Variants in CTSO observed in about 807,000 individuals in gnomAD.
CTSO encodes the protein cathepsin O.
CTSO carries 40 observed loss-of-function variants against 42.4 expected under a neutral mutation model. That is an observed-to-expected ratio of 0.94 (90% confidence interval 0.73 to 1.23). CTSO has a LOEUF of 1.23. Ranked by LOEUF, CTSO falls within the 50% of genes most tolerant of loss-of-function variation. The probability of loss-of-function intolerance (pLI) is 0.00; values close to 1 mark genes in which losing one functional copy is unlikely to be tolerated. For missense variants in CTSO, 441 were observed against 396.0 expected (o/e 1.11, Z -0.96); for synonymous variants, 156 against 146.2 (o/e 1.07, Z -0.48).
chr4:155,943,200 T>C lies in CTSO; in HGVS notation c.200A>G (p.Tyr67Cys), dbSNP rs1164128992. The change falls in exon 2 of 8, where the codon TAT becomes TGT. Residue 67 changes from tyrosine (Y) to cysteine (C), a missense_variant. Tyr to Cys is a radical substitution (Grantham distance 194). Coordinates refer to ENST00000433477, the MANE Select transcript of CTSO (RefSeq NM_001334.3). ...LFPSENSTAF[Y>C]GINQFSYLFP... ...CAAATAGGAAAACTGATTTATTCCATAGAAGGCGGTGGAGTTTTCACTGGG... is the reference window on the plus strand; with the variant it reads ...CAAATAGGAAAACTGATTTATTCCACAGAAGGCGGTGGAGTTTTCACTGGG... 2.5e-6 allele frequency: 4 copies of C among 1,612,202 alleles called. No individual in the cohort carries two copies. Among genetic ancestry groups the C allele is most frequent in the African/African-American group, 1.3e-5 (1 of 74,896 alleles).
At chr4:155,950,426 A>G (rs1215823441) in intron 1 of CTSO, among the ~76,000 whole-genome samples, 3 of 152,258 alleles carry the variant, frequency 2.0e-5, no homozygotes, top group Admixed American at 6.5e-5. Context: ...GTATGGGAAG[A>G]TGAATAAATT....
chr4:155,940,913 G>C (rs1442093796), intron 3 of CTSO, among the ~76,000 whole-genome samples: 1 of 130,712 alleles, frequency 7.7e-6, no homozygotes, highest in Non-Finnish European at 1.7e-5. Flanking sequence ...CAAGCCACAA[G>C]GGCAGTTCCT....
chr4:155,936,868 A>T (rs2077215725), intron 5 of CTSO, among the ~76,000 whole-genome samples: 1 of 152,098 alleles, frequency 6.6e-6, no homozygotes, highest in African/African-American at 2.4e-5. Context: ...CAAATGGCTG[A>T]TGTCTTGAAA....
chr4:155,929,924 A>C (rs1442960536), intron 5 of CTSO, among the ~76,000 whole-genome samples: 1 of 152,144 alleles, frequency 6.6e-6, no homozygotes, highest in Non-Finnish European at 1.5e-5. Context: ...CTGCTATTCA[A>C]AGGTTTCCAT....
intron 1 of CTSO, among the ~76,000 whole-genome samples, chr4:155,947,512 T>A (rs533931355): frequency 6.6e-6 from 1 of 152,332 alleles, no homozygotes; most frequent in African/African-American, 2.4e-5. Flanking sequence ...GTTGCTTTCA[T>A]GGTAAAATAA....
rs1415281062 is a variant in CTSO at position 155,939,500 on chromosome 4, C to T, written c.423G>A (p.Val141=). 2 of 1,613,960 alleles carry T rather than the reference C, an allele frequency of 1.2e-6. No individual in the cohort carries two copies. The highest frequency in any genetic ancestry group is 2.2e-5 in the East Asian group (1 of 44,866). Residue 141 remains valine (V), a synonymous_variant, in exon 4 of 8, where the codon GTG becomes GTA. Coordinates refer to ENST00000433477, the MANE Select transcript of CTSO (RefSeq NM_001334.3). The stretch of plus-strand genomic sequence containing the variant: ...TCCCCTTTATTGCATAAGCAGATTC[C>T]ACTGCCCCCACCACGCTGAAGGCCC... ...GCWAFSVVGA[V]ESAYAIKGKP...
intron 6 of CTSO, 43 bp downstream of exon 6, chr4:155,929,499 G>A: frequency 6.4e-7 from 1 of 1,572,906 alleles, no homozygotes; most frequent in Non-Finnish European, 8.6e-7. Flanking sequence ...TGCACTCAGT[G>A]TCCATGCTGG....
intron 3 of CTSO, among the ~76,000 whole-genome samples, chr4:155,941,751 A>T (rs887001798): frequency 6.6e-6 from 1 of 152,174 alleles, no homozygotes; most frequent in African/African-American, 2.4e-5. Flanking sequence ...TTATGGCTGA[A>T]CTGACTACTA....
intron 3 of CTSO, among the ~76,000 whole-genome samples, chr4:155,940,160 T>C (rs1466899574): frequency 1.3e-5 from 2 of 152,218 alleles, no homozygotes; most frequent in African/African-American, 4.8e-5. Flanking sequence ...ATTACTCCAG[T>C]ATTGGCTGCC....
intron 1 of CTSO, among the ~76,000 whole-genome samples, chr4:155,947,114 C>T (rs747708137): frequency 4.6e-5 from 7 of 152,158 alleles, no homozygotes. Flanking sequence ...CCCGCCTCAG[C>T]CTCTCAGAGT....
chr4:155,951,454 T>C (rs1033018041), intron 1 of CTSO, among the ~76,000 whole-genome samples: 2 of 152,192 alleles, frequency 1.3e-5, no homozygotes, highest in African/African-American at 2.4e-5. Context: ...AGGTGTCTTG[T>C]GAGGCATCCC....
At chr4:155,953,088 A>G (rs1014587285) in intron 1 of CTSO, among the ~76,000 whole-genome samples, 2 of 150,742 alleles carry the variant, frequency 1.3e-5, no homozygotes, top group African/African-American at 4.9e-5. Flanking sequence ...ATTATATTAT[A>G]TTTCGTATAA....
chr4:155,929,339 T>C (rs1025814068), intron 6 of CTSO, among the ~76,000 whole-genome samples: 22 of 152,340 alleles, frequency 1.4e-4, no homozygotes, highest in African/African-American at 4.6e-4. Context: ...GTGTCTTTAA[T>C]TCCTCTAGCG....
At chr4:155,936,898 G>T (rs2110917939) in intron 5 of CTSO, among the ~76,000 whole-genome samples, 1 of 152,218 alleles carries the variant, frequency 6.6e-6, no homozygotes, top group East Asian at 1.9e-4. Context: ...AACATAGAAG[G>T]TGTTCAAAAT....
In CTSO at chr4:155,937,501, C is replaced by T; in HGVS notation, c.553-18G>A. ...ACTTGCATCTAAAAGAAAACAATCA[C>T]TGAACATGTTTACTGTCAATTGTTT... On this transcript the variant is annotated intron_variant, in intron 4 of 7. Coordinates refer to ENST00000433477, the MANE Select transcript of CTSO (RefSeq NM_001334.3). The T allele has an allele frequency of 6.2e-7, 1 of 1,609,874 alleles. No homozygotes were observed. Among genetic ancestry groups the T allele is most frequent in the Non-Finnish European group, 8.5e-7 (1 of 1,176,874 alleles).
intron 1 of CTSO, among the ~76,000 whole-genome samples, chr4:155,948,317 T>G (rs1430588552): frequency 6.6e-6 from 1 of 152,134 alleles, no homozygotes; most frequent in African/African-American, 2.4e-5. Flanking sequence ...AAAGCTATCC[T>G]TATTATGACT....
intron 5 of CTSO, among the ~76,000 whole-genome samples, chr4:155,934,770 C>A (rs1743301139): frequency 6.6e-6 from 1 of 152,190 alleles, no homozygotes; most frequent in Admixed American, 6.5e-5. Context: ...TTACCCAATA[C>A]CTGTATCCCT....
chr4:155,943,292 A>G (rs1043924986), intron 1 of CTSO, 28 bp from the exon 2 acceptor site: 2 of 1,374,898 alleles, frequency 1.5e-6, no homozygotes, highest in Non-Finnish European at 2.1e-6. Flanking sequence ...ACTATTTCAT[A>G]TCCACTATGT....
chr4:155,942,272 TTTCAATGC>T, intron 3 of CTSO, 37 bp downstream of exon 3: 1 of 1,484,216 alleles, frequency 6.7e-7, no homozygotes, highest in Non-Finnish European at 9.0e-7. Flanking sequence ...CAAAGCTGCC[TTTCAATGC>T]TTAGATGATT....
Sources: gnomAD v4.1 joint callset for allele counts (sites outside exome capture counted in the v4.1 genomes callset) on GRCh38, gnomAD v4.1.1 for gene constraint, MANE v1.5 for transcripts, NCBI Gene and HGNC (gene_info 2026-07-23, HGNC 2026-07-21) for gene names.